Variants in SPIN4 observed in about 807,000 individuals in gnomAD.
SPIN4 encodes the protein spindlin-4.
Under a neutral mutation model 10.4 loss-of-function variants are expected in SPIN4, and 4 were observed. The observed-to-expected ratio is 0.38, with a 90% CI of 0.19 to 0.88. The LOEUF (loss-of-function observed/expected upper bound fraction) is 0.88, where lower values mean the gene tolerates loss of function less well. Among genes scored for constraint, SPIN4 ranks in the 40% least tolerant of loss-of-function variants. The pLI, the probability that SPIN4 is intolerant of heterozygous loss-of-function variation, is 0.40. For synonymous variants in SPIN4, 71 were observed against 78.4 expected (o/e 0.91, Z 0.50); for missense variants, 126 against 198.7 (o/e 0.63, Z 2.20).
At position 63,347,228 on chromosome X, in the gene SPIN4, T is replaced by TA. The variant is rs1251231306; in HGVS notation, c.*2841dup. On this transcript the variant is annotated 3_prime_UTR_variant, in exon 1 of 1. Transcript: ENST00000374884. Reference sequence around the variant, plus strand: ...AATAAAATACAAAGATAATTGAAAATACCATTATAGCTAATTATTTTATTA... The same window carrying TA: ...AATAAAATACAAAGATAATTGAAAATAACCATTATAGCTAATTATTTTATTA... 8.9e-6 allele frequency: 1 copy of TA among 111,930 alleles called. No homozygotes were observed. Among genetic ancestry groups the TA allele is most frequent in the Non-Finnish European group, 1.9e-5 (1 of 53,161 alleles). The allele number at this position is 111,930 out of a possible 1,213,427, so 9.2% of individuals were successfully genotyped here.
rs2146914208 is a variant in SPIN4, at chrX:63,348,283, A to G, written c.*1787T>C. 9.0e-6 allele frequency: 1 copy of G among 111,562 alleles called. No individual in the cohort carries two copies. Among genetic ancestry groups the G allele is most frequent in the Non-Finnish European group, 1.9e-5 (1 of 52,959 alleles). 9.2% of individuals were successfully genotyped at this position (111,562 alleles called of 1,213,427 possible). On this transcript the variant is annotated 3_prime_UTR_variant, in exon 1 of 1. Transcript: ENST00000374884. ...AAATACAAAAATCTATAGGTTGTCT[A>G]TATTGTCAAAAATAGCTAATTACAA...
At position 63,348,593 on chromosome X, in the gene SPIN4, G is replaced by A. The variant is rs1446191950; in HGVS notation, c.*1477C>T. 1 of 109,459 alleles carries A rather than the reference G, an allele frequency of 9.1e-6. No individual in the cohort carries two copies. The highest frequency in any genetic ancestry group is 1.9e-5 in the Non-Finnish European group (1 of 52,441). The allele number at this position is 109,459 out of a possible 1,213,427, so 9.0% of individuals were successfully genotyped here. On this transcript the variant is annotated 3_prime_UTR_variant, in exon 1 of 1. Transcript: ENST00000374884. ...TTTCACATGAAAAAATGAATGTCTA[G>A]GACATATTATATAAAGAAAAAAAAA...
chrX:63,349,906 G>T lies in SPIN4; in HGVS notation c.*164C>A. 1 of 532,169 alleles carries T rather than the reference G, an allele frequency of 1.9e-6. No individual in the cohort carries two copies. The highest frequency in any genetic ancestry group is 2.9e-6 in the Non-Finnish European group (1 of 345,149). The allele number at this position is 532,169 out of a possible 1,213,427, so 43.9% of individuals were successfully genotyped here. On this transcript the variant is annotated 3_prime_UTR_variant, in exon 1 of 1. Coordinates refer to ENST00000374884, the MANE Select transcript of SPIN4 (RefSeq NM_001012968.3). Reference sequence around the variant, plus strand: ...ATCAAAAGTAGCAAAGTACACTTGAGGCAAAATTGTGAAACTAGTCAAGGT... The same window carrying T: ...ATCAAAAGTAGCAAAGTACACTTGATGCAAAATTGTGAAACTAGTCAAGGT...
At position 63,350,960 on chromosome X, in the gene SPIN4, C is replaced by A. The variant is rs1932989895; in HGVS notation, c.-141G>T. 2.5e-6 allele frequency: 2 copies of A among 787,590 alleles called. No individual in the cohort carries two copies. Among genetic ancestry groups the A allele is most frequent in the African/African-American group, 2.1e-5 (1 of 47,738 alleles). 64.9% of individuals were successfully genotyped at this position (787,590 alleles called of 1,213,427 possible). A position where few individuals can be genotyped will look rare whatever the true frequency, so the allele number is the denominator to read the frequency against. On this transcript the variant is annotated 5_prime_UTR_variant, in exon 1 of 1. Coordinates refer to ENST00000374884, the MANE Select transcript of SPIN4 (RefSeq NM_001012968.3). ...TGTGCTCCCTTCTCCAAGTGCAAGG[C>A]TCTCACCAAGGTTTTGGCAGAAACG...
Position 63,350,444 on chromosome X carries a change from C to T in SPIN4, c.376G>A (p.Val126Met). 8.3e-7 allele frequency: 1 copy of T among 1,211,853 alleles called. No homozygotes were observed. ...TTGGTACCATGTTCACCTTCAAACACATGCTCCACTGCCTTGCCAATCAGG... is the reference window on the plus strand; with the variant it reads ...TTGGTACCATGTTCACCTTCAAACATATGCTCCACTGCCTTGCCAATCAGG... ...DSLIGKAVEH[V>M]FEGEHGTKDE... Residue 126 changes from valine to methionine, a missense_variant, in exon 1 of 1, where the codon GTG becomes ATG. Transcript: ENST00000374884.
rs1602058171 is a variant in SPIN4 at position 63,348,201 on chromosome X, T to A, written c.*1869A>T. ...TATCTAGAAAACCCAAAATATTATA[T>A]TCTTAAAAATCTACTGTAATTTCAA... On this transcript the variant is annotated 3_prime_UTR_variant, in exon 1 of 1. Coordinates refer to ENST00000374884, the MANE Select transcript of SPIN4 (RefSeq NM_001012968.3). 1 of 111,197 alleles carries A rather than the reference T, an allele frequency of 9.0e-6. No individual in the cohort carries two copies. Among genetic ancestry groups the A allele is most frequent in the African/African-American group, 3.3e-5 (1 of 30,745 alleles). The allele number at this position is 111,197 out of a possible 1,213,427, so 9.2% of individuals were successfully genotyped here.
rs782766561 is a variant in SPIN4 at position 63,347,935 on chromosome X, G to A, written c.*2135C>T. 3.6e-5 allele frequency: 4 copies of A among 110,939 alleles called. No homozygotes were observed. The highest frequency in any genetic ancestry group is 3.8e-4 in the South Asian group (1 of 2,665). The allele number at this position is 110,939 out of a possible 1,213,427, so 9.1% of individuals were successfully genotyped here. ...AATAACACTATAAAACAGGAATAGC[G>A]GAAACTCTTAAACATGTTAATGACT... On this transcript the variant is annotated 3_prime_UTR_variant, in exon 1 of 1. Coordinates refer to ENST00000374884, the MANE Select transcript of SPIN4 (RefSeq NM_001012968.3).
chrX:63,350,935 T>C lies in SPIN4; in HGVS notation c.-116A>G. On this transcript the variant is annotated 5_prime_UTR_variant, in exon 1 of 1. Transcript: ENST00000374884. Reference sequence around the variant, plus strand: ...TTTTTGCGATCTCAAAGACCTGGTCTGTGCTCCCTTCTCCAAGTGCAAGGC... The same window carrying C: ...TTTTTGCGATCTCAAAGACCTGGTCCGTGCTCCCTTCTCCAAGTGCAAGGC... 16 of 928,963 alleles carry C rather than the reference T, an allele frequency of 1.7e-5. No individual in the cohort carries two copies. The highest frequency in any genetic ancestry group is 2.3e-5 in the Non-Finnish European group (16 of 688,382). 76.6% of individuals were successfully genotyped at this position (928,963 alleles called of 1,213,427 possible).
Position 63,350,584 on chromosome X carries a change from T to C in SPIN4, c.236A>G (p.Asp79Gly). Residue 79 changes from aspartate to glycine, a missense_variant, in exon 1 of 1, where the codon GAT becomes GGT. Physicochemically the swap from Asp to Gly is moderately conservative, Grantham distance 94. Coordinates refer to ENST00000374884, the MANE Select transcript of SPIN4 (RefSeq NM_001012968.3). The stretch of plus-strand genomic sequence containing the variant: ...TAGTCCATACACACTATCTTTGCCA[T>C]CATATTTAATGATGTAAAGAGTGGG... ...VKPTLYIIKY[D>G]GKDSVYGLEL... 8.3e-7 allele frequency: 1 copy of C among 1,206,937 alleles called. No homozygotes were observed. The highest frequency in any genetic ancestry group is 1.1e-6 in the Non-Finnish European group (1 of 892,779).
At position 63,349,257 on chromosome X, in the gene SPIN4, G is replaced by A. The variant is rs782109715; in HGVS notation, c.*813C>T. On this transcript the variant is annotated 3_prime_UTR_variant, in exon 1 of 1. Transcript: ENST00000374884. ...TTTTCAAGCATTAAAGAGTGCTGGAGAGGACGCTGGAACGGGCGCTTTCAT... is the reference window on the plus strand; with the variant it reads ...TTTTCAAGCATTAAAGAGTGCTGGAAAGGACGCTGGAACGGGCGCTTTCAT... The A allele has an allele frequency of 1.8e-5, 2 of 112,110 alleles. No individual in the cohort carries two copies. The highest frequency in any genetic ancestry group is 7.4e-4 in the South Asian group (2 of 2,696). 9.2% of individuals were successfully genotyped at this position (112,110 alleles called of 1,213,427 possible).
In SPIN4 at chrX:63,347,315, T is replaced by C. The variant is rs1932946003; in HGVS notation, c.*2755A>G. On this transcript the variant is annotated 3_prime_UTR_variant, in exon 1 of 1. Transcript: ENST00000374884. ...ACACAAAAGCATAAAGCCATCTGAA[T>C]AGTACAGTCAACAAGCAACAACCAG... 1 of 112,118 alleles carries C rather than the reference T, an allele frequency of 8.9e-6. No homozygotes were observed. Among genetic ancestry groups the C allele is most frequent in the Admixed American group, 9.5e-5 (1 of 10,534 alleles). 9.2% of individuals were successfully genotyped at this position (112,118 alleles called of 1,213,427 possible). A position where few individuals can be genotyped will look rare whatever the true frequency, so the allele number is the denominator to read the frequency against.
Position 63,350,265 on chromosome X carries a change from A to G in SPIN4, c.555T>C (p.Tyr185=). ...DLRIIPDSNY[Y]FPTAEQEPGE... ...CAGGCTCCTGTTCTGCTGTAGGGAA[A>G]TAGTAGTTGGAATCTGGAATAATGC... is the stretch of plus-strand genomic sequence containing the variant. Residue 185 remains tyrosine (Y), a synonymous_variant, in exon 1 of 1, where the codon TAT becomes TAC. Transcript: ENST00000374884. 1 of 1,211,402 alleles carries G rather than the reference A, an allele frequency of 8.3e-7. No individual in the cohort carries two copies. The highest frequency in any genetic ancestry group is 1.1e-6 in the Non-Finnish European group (1 of 895,387).
rs1932957897 is a variant in SPIN4, at chrX:63,348,383, T to G, written c.*1687A>C. ...TAAAAATACTTAGAAATAAATTCAG[T>G]TAGCTATGATATACTTACGTGAAGA... On this transcript the variant is annotated 3_prime_UTR_variant, in exon 1 of 1. Transcript: ENST00000374884. 1 of 110,738 alleles carries G rather than the reference T, an allele frequency of 9.0e-6. No individual in the cohort carries two copies. The highest frequency in any genetic ancestry group is 3.3e-5 in the African/African-American group (1 of 30,567). The allele number at this position is 110,738 out of a possible 1,213,427, so 9.1% of individuals were successfully genotyped here. A position where few individuals can be genotyped will look rare whatever the true frequency, so the allele number is the denominator to read the frequency against.
Position 63,349,926 on chromosome X carries a change from C to A in SPIN4, c.*144G>T, listed in dbSNP as rs1311868548. 3 of 650,799 alleles carry A rather than the reference C, an allele frequency of 4.6e-6. No individual in the cohort carries two copies. The East Asian group carries it at 1.1e-4, about 24-fold the overall frequency. 53.6% of individuals were successfully genotyped at this position (650,799 alleles called of 1,213,427 possible). A position where few individuals can be genotyped will look rare whatever the true frequency, so the allele number is the denominator to read the frequency against. ...CTTGAGGCAAAATTGTGAAACTAGT[C>A]AAGGTAAGATTTGTTGGCACAATAA... On this transcript the variant is annotated 3_prime_UTR_variant, in exon 1 of 1. Coordinates refer to ENST00000374884, the MANE Select transcript of SPIN4 (RefSeq NM_001012968.3).
chrX:63,350,032 C>A lies in SPIN4; in HGVS notation c.*38G>T. On this transcript the variant is annotated 3_prime_UTR_variant, in exon 1 of 1. Transcript: ENST00000374884. ...TACGAGAACACAAAATAATTCACAT[C>A]TAACAGATCCACAACTTCTCTAAAG... 1 of 1,156,597 alleles carries A rather than the reference C, an allele frequency of 8.6e-7. No homozygotes were observed. The highest frequency in any genetic ancestry group is 1.8e-5 in the African/African-American group (1 of 56,175).
In SPIN4 at chrX:63,349,803, A is replaced by T. The variant is rs368515222; in HGVS notation, c.*267T>A. The T allele has an allele frequency of 1.5e-3, 436 of 285,061 alleles. 8 individuals carry two copies. In the South Asian group the frequency reaches 0.045, roughly 29 times the overall value. The allele number at this position is 285,061 out of a possible 1,213,427, so 23.5% of individuals were successfully genotyped here. On this transcript the variant is annotated 3_prime_UTR_variant, in exon 1 of 1. Transcript: ENST00000374884. ...TTAATTTTTCTTAATCTATTTTTGC[A>T]TTGTTCCAATGGTTGCAAACACTTT...
Position 63,350,490 on chromosome X carries a change from G to T in SPIN4, c.330C>A (p.Ile110=), listed in dbSNP as rs375406099. Residue 110 remains isoleucine (I), a synonymous_variant, in exon 1 of 1, where the codon ATC becomes ATA. Transcript: ENST00000374884. ...ILPERVPTPR[I]DSRLADSLIG... ...TCAGGGAATCTGCCAGTCGTGAATC[G>T]ATACGAGGAGTTGGCACTCTCTCAG... 8.3e-7 allele frequency: 1 copy of T among 1,211,633 alleles called. No homozygotes were observed. Among genetic ancestry groups the T allele is most frequent in the Non-Finnish European group, 1.1e-6 (1 of 895,507 alleles).
At position 63,348,712 on chromosome X, in the gene SPIN4, G is replaced by A. The variant is rs1383003602; in HGVS notation, c.*1358C>T. On this transcript the variant is annotated 3_prime_UTR_variant, in exon 1 of 1. Transcript: ENST00000374884. ...ATATTGGCTCAGAAATTTGAAAATG[G>A]GTAACATTTTAAATAAATGTCACAA... 9.0e-6 allele frequency: 1 copy of A among 110,922 alleles called. No homozygotes were observed. The highest frequency in any genetic ancestry group is 1.9e-5 in the Non-Finnish European group (1 of 52,828). The allele number at this position is 110,922 out of a possible 1,213,427, so 9.1% of individuals were successfully genotyped here. A position where few individuals can be genotyped will look rare whatever the true frequency, so the allele number is the denominator to read the frequency against.
In SPIN4 at chrX:63,350,046, A is replaced by G. The variant is rs192545575; in HGVS notation, c.*24T>C. 59 of 1,171,679 alleles carry G rather than the reference A, an allele frequency of 5.0e-5. No homozygotes were observed. The African/African-American group carries it at 9.3e-4, about 18-fold the overall frequency. On this transcript the variant is annotated 3_prime_UTR_variant, in exon 1 of 1. Transcript: ENST00000374884. ...ATAATTCACATCTAACAGATCCACA[A>G]CTTCTCTAAAGAGCACAAAGAATTT...
Sources: allele counts gnomAD v4.1 joint callset, GRCh38; gene constraint gnomAD v4.1.1; transcripts MANE v1.5; gene names NCBI Gene and HGNC (gene_info 2026-07-23, HGNC 2026-07-21).